KIF6: variants seen among roughly 807,000 people sequenced by gnomAD.
KIF6 encodes kinesin-like protein KIF6.
In KIF6, 106 loss-of-function variants were observed where a neutral mutation model predicts 112.7. That is an observed-to-expected ratio of 0.94 (90% CI 0.80 to 1.11). KIF6 has a LOEUF of 1.11. Among genes scored for constraint, KIF6 ranks in the 50% least tolerant of loss-of-function variants. The probability of loss-of-function intolerance (pLI) is 0.00; values close to 1 mark genes in which losing one functional copy is unlikely to be tolerated. For missense variants in KIF6, 929 were observed against 964.0 expected (o/e 0.96, Z 0.48); for synonymous variants, 339 against 339.9 (o/e 1.00, Z 0.03).
chr6:39,341,912 C>T (rs543424550), intron 22 of KIF6, among the ~76,000 whole-genome samples: 2 of 152,368 alleles, frequency 1.3e-5, no homozygotes, highest in South Asian at 2.1e-4. Context: ...CCCCTACAAT[C>T]TACACTACAT....
At chr6:39,609,007 T>G (rs144449254) in intron 6 of KIF6, among the ~76,000 whole-genome samples, 17 of 152,322 alleles carry the variant, frequency 1.1e-4, no homozygotes, top group African/African-American at 3.8e-4. Context: ...TCTATATCCC[T>G]AGAAGGTGGG....
intron 3 of KIF6, among the ~76,000 whole-genome samples, chr6:39,670,785 T>G (rs768858183): frequency 2.0e-5 from 3 of 152,194 alleles, no homozygotes; most frequent in African/African-American, 4.8e-5. Flanking sequence ...TATATCAATA[T>G]GCAAATCTGT....
At chr6:39,679,668 T>G (rs1787390556) in intron 3 of KIF6, among the ~76,000 whole-genome samples, 1 of 143,416 alleles carries the variant, frequency 7.0e-6, no homozygotes, top group Non-Finnish European at 1.5e-5. Flanking sequence ...CAGGCTGGAG[T>G]GCAGTGGTGC....
chr6:39,390,545 G>A (rs1273081414), intron 15 of KIF6, among the ~76,000 whole-genome samples: 1 of 152,176 alleles, frequency 6.6e-6, no homozygotes, highest in Non-Finnish European at 1.5e-5. Context: ...GGCGGCAAGG[G>A]AAGGTTGAGT....
At chr6:39,530,477 G>C (rs1777987842) in intron 13 of KIF6, among the ~76,000 whole-genome samples, 1 of 152,138 alleles carries the variant, frequency 6.6e-6, no homozygotes, top group South Asian at 2.1e-4. Flanking sequence ...CTACGGAGCG[G>C]AACAATCTCT....
chr6:39,669,041 T>G (rs1438750245), intron 3 of KIF6, among the ~76,000 whole-genome samples: 1 of 152,206 alleles, frequency 6.6e-6, no homozygotes, highest in Non-Finnish European at 1.5e-5. Flanking sequence ...TTTTTATTAC[T>G]TAATACCTGT....
At chr6:39,638,237 A>G (rs1159890738) in intron 4 of KIF6, among the ~76,000 whole-genome samples, 5 of 152,104 alleles carry the variant, frequency 3.3e-5, no homozygotes, top group African/African-American at 7.2e-5. Context: ...CTTTAAATAC[A>G]GTATGTTCAG....
intron 19 of KIF6, among the ~76,000 whole-genome samples, chr6:39,347,560 A>C (rs1352709624): frequency 6.6e-6 from 1 of 152,188 alleles, no homozygotes; most frequent in Non-Finnish European, 1.5e-5. Context: ...TGCTGTAAGG[A>C]GATCTTCCTC....
intron 7 of KIF6, among the ~76,000 whole-genome samples, chr6:39,590,451 A>ATATATATATT (rs1338373703): frequency 4.7e-5 from 4 of 84,776 alleles, no homozygotes; most frequent in South Asian, 3.6e-4. Context: ...ATATATATAT[A>ATATATATATT]TTTTTTTTTT....
chr6:39,581,185 G>A (rs1197887782), intron 9 of KIF6, among the ~76,000 whole-genome samples: 1 of 30,518 alleles, frequency 3.3e-5, no homozygotes, highest in Non-Finnish European at 6.3e-5. Flanking sequence ...TTTTTTTTTT[G>A]ACACAGAGTT....
chr6:39,360,227 C>T (rs942178370), intron 18 of KIF6, among the ~76,000 whole-genome samples, 168 bp downstream of exon 18: 8 of 152,176 alleles, frequency 5.3e-5, no homozygotes, highest in African/African-American at 1.9e-4. Context: ...AAACAATGAA[C>T]CCCTGCCCTT....
At chr6:39,620,530 CATTTT>C (rs1205971861) in intron 5 of KIF6, 1 of 152,046 alleles carries the variant, frequency 6.6e-6, no homozygotes, top group Non-Finnish European at 1.5e-5. Context: ...CTTTTATTTT[CATTTT>C]AACATTCAGT....
At chr6:39,452,567 T>C (rs1451901165) in intron 13 of KIF6, among the ~76,000 whole-genome samples, 3 of 152,336 alleles carry the variant, frequency 2.0e-5, no homozygotes, top group South Asian at 4.1e-4. Context: ...CTTGTAATTA[T>C]GAGTCATGGG....
At chr6:39,719,318 CA>C (rs199979186) in intron 2 of KIF6, among the ~76,000 whole-genome samples, 1 of 139,200 alleles carries the variant, frequency 7.2e-6, no homozygotes, top group South Asian at 2.3e-4. Flanking sequence ...AACTCTGTCT[CA>C]AAAAAAAGAA....
At chr6:39,548,935 G>A (rs189763666) in intron 10 of KIF6, among the ~76,000 whole-genome samples, 1 of 152,278 alleles carries the variant, frequency 6.6e-6, no homozygotes, top group Non-Finnish European at 1.5e-5. Context: ...AGGGGAAAGA[G>A]AAAAGAAATA....
At chr6:39,693,578 A>G (rs1788350248) in intron 3 of KIF6, among the ~76,000 whole-genome samples, 1 of 152,190 alleles carries the variant, frequency 6.6e-6, no homozygotes, top group Non-Finnish European at 1.5e-5. Flanking sequence ...GAAAATAGAT[A>G]AATCCTAGAA....
chr6:39,498,415 T>C (rs997799136), intron 13 of KIF6, among the ~76,000 whole-genome samples: 2 of 152,150 alleles, frequency 1.3e-5, no homozygotes, highest in African/African-American at 4.8e-5. Flanking sequence ...AACAGCACAA[T>C]GAATGTTAGA....
intron 13 of KIF6, among the ~76,000 whole-genome samples, chr6:39,486,421 G>A (rs1775118002): frequency 6.6e-6 from 1 of 152,142 alleles, no homozygotes; most frequent in South Asian, 2.1e-4. Context: ...ATGCCTAGTT[G>A]ACTACCACTG....
chr6:39,486,542 C>T (rs987488252), intron 13 of KIF6, among the ~76,000 whole-genome samples: 1 of 152,224 alleles, frequency 6.6e-6, no homozygotes, highest in Non-Finnish European at 1.5e-5. Context: ...TGCTTTATAC[C>T]ACCAAGTTTT....
Sources: allele counts gnomAD v4.1 joint callset (sites outside exome capture counted in the v4.1 genomes callset), GRCh38; gene constraint gnomAD v4.1.1; transcripts MANE v1.5; gene names NCBI Gene and HGNC (gene_info 2026-07-23, HGNC 2026-07-21).